ZBBX: variants seen among roughly 807,000 people sequenced by gnomAD.
The protein encoded by ZBBX is zinc finger B-box domain-containing protein 1.
Under a neutral mutation model 108.5 loss-of-function variants are expected in ZBBX, and 101 were observed. The observed-to-expected ratio is 0.93, with a 90% CI of 0.79 to 1.10. The LOEUF (loss-of-function observed/expected upper bound fraction) is 1.10. Ranked by LOEUF, ZBBX falls within the 50% of genes least tolerant of loss-of-function variation. The probability of loss-of-function intolerance (pLI) is 0.00; values close to 1 mark genes in which losing one functional copy is unlikely to be tolerated. For synonymous variants in ZBBX, 356 were observed against 323.4 expected, an observed-to-expected ratio of 1.10 and a Z score of -1.08; for missense variants, 1,009 against 941.4, an observed-to-expected ratio of 1.07 and a Z score of -0.94.
At chr3:167,232,571 G>C in the ZBBX span, among the ~76,000 whole-genome samples, 3 of 151,776 alleles carry the variant, frequency 2.0e-5, no homozygotes, top group Non-Finnish European at 4.4e-5. Context: ...TCTGGCCCTG[G>C]ATGTCAGACA....
intron 9 of ZBBX, among the ~76,000 whole-genome samples, chr3:167,343,368 C>T (rs1740887855): frequency 6.6e-6 from 1 of 151,772 alleles, no homozygotes; most frequent in African/African-American, 2.4e-5. Context: ...TCATTTGCTG[C>T]TGTAATATAC....
chr3:167,282,509 T>TA lies in ZBBX; in HGVS notation c.1997-15dup. ...GTGATTTCTGACCTAAAATTAAAAG[T>TA]AAAAAGTTTTTAAATCAACTTTTAA... On this transcript the variant is annotated splice_polypyrimidine_tract_variant and intron_variant, in intron 19 of 21. Transcript: ENST00000675490. The TA allele has an allele frequency of 6.3e-7, 1 of 1,586,834 alleles. No homozygotes were observed. Among genetic ancestry groups the TA allele is most frequent in the South Asian group, 1.2e-5 (1 of 86,880 alleles).
chr3:167,397,614 T>C (rs558437592), intron 1 of ZBBX, among the ~76,000 whole-genome samples: 1 of 151,952 alleles, frequency 6.6e-6, no homozygotes, highest in South Asian at 2.1e-4. Flanking sequence ...CCAGGAAAAC[T>C]ATTGTTAGCA....
chr3:167,303,542 A>C (rs1733083537), intron 17 of ZBBX, among the ~76,000 whole-genome samples: 1 of 152,072 alleles, frequency 6.6e-6, no homozygotes, highest in South Asian at 2.1e-4. Context: ...TCCTTTTTTA[A>C]GTATATCATT....
At chr3:167,268,890 C>A (rs974113022) in intron 20 of ZBBX, among the ~76,000 whole-genome samples, 3 of 152,112 alleles carry the variant, frequency 2.0e-5, no homozygotes, top group African/African-American at 7.2e-5. Flanking sequence ...CAGGTCCAGA[C>A]CCCCGTTTAA....
rs941382718 is a variant in ZBBX, at chr3:167,337,985, G to T, written c.529-4000C>A. On this transcript the variant is annotated intron_variant, in intron 9 of 21. Transcript: ENST00000675490. Reference sequence around the variant, plus strand: ...TATTAATAGGTAACAATAGGAGCAGGAGGAGACTGAAAATGTATAAAATTA... The same window carrying T: ...TATTAATAGGTAACAATAGGAGCAGTAGGAGACTGAAAATGTATAAAATTA... Among the ~76,000 whole-genome samples the T allele has an allele frequency of 4.6e-5, 7 of 152,158 alleles. No homozygotes were observed. In the South Asian group the frequency reaches 1.5e-3, roughly 32 times the overall value.
chr3:167,314,186 C>A, intron 15 of ZBBX, 70 bp from the exon 16 acceptor site: 1 of 1,351,982 alleles, frequency 7.4e-7, no homozygotes, highest in South Asian at 1.6e-5. Context: ...TTTTAAAAGT[C>A]CCAAGTCATT....
chr3:167,297,573 C>A (rs924700538), intron 18 of ZBBX, among the ~76,000 whole-genome samples: 2 of 151,842 alleles, frequency 1.3e-5, no homozygotes, highest in Admixed American at 6.6e-5. Flanking sequence ...TCCAAAGACA[C>A]TATCAACAGA....
chr3:167,349,850 AATTCTATTTATAGTTTAAGTATTAG>A (rs1742330311), intron 9 of ZBBX, among the ~76,000 whole-genome samples: 1 of 152,044 alleles, frequency 6.6e-6, no homozygotes, highest in South Asian at 2.1e-4. Context: ...GTCTATATCT[AATTCTATTTATAGTTTAAGTATTAG>A]AATCTTAAAG....
chr3:167,392,082 A>G (rs1560215579), intron 1 of ZBBX, among the ~76,000 whole-genome samples: 1 of 151,778 alleles, frequency 6.6e-6, no homozygotes, highest in Non-Finnish European at 1.5e-5. Flanking sequence ...CCAAGAAACC[A>G]CTGATCTGCT....
At chr3:167,182,119 C>T in the ZBBX span, among the ~76,000 whole-genome samples, 1 of 152,266 alleles carries the variant, frequency 6.6e-6, no homozygotes, top group East Asian at 1.9e-4. Flanking sequence ...GCCTGACTCG[C>T]TGATTTTTTT....
chr3:167,333,144 C>T (rs187373486), intron 10 of ZBBX, among the ~76,000 whole-genome samples: 108 of 151,930 alleles, frequency 7.1e-4, no homozygotes, highest in African/African-American at 2.4e-3. Flanking sequence ...GGGTTTGGAA[C>T]GCAACAGATT....
chr3:167,386,470 G>A (rs779630779), intron 1 of ZBBX, among the ~76,000 whole-genome samples: 19 of 151,932 alleles, frequency 1.3e-4, no homozygotes, highest in African/African-American at 2.4e-4. Context: ...GCAGTAGAGC[G>A]TTGATCTGTA....
chr3:167,261,666 C>G (rs1724551550), intron 20 of ZBBX, among the ~76,000 whole-genome samples: 1 of 151,428 alleles, frequency 6.6e-6, no homozygotes, highest in Non-Finnish European at 1.5e-5. Flanking sequence ...AAGGGCCTGT[C>G]TCACTCCCAC....
chr3:167,237,390 A>T (rs189474449), downstream of ZBBX, among the ~76,000 whole-genome samples: 1 of 152,100 alleles, frequency 6.6e-6, no homozygotes, highest in African/African-American at 2.4e-5. Context: ...ATAAACTACG[A>T]ATTTCAACAA....
rs772195571 is a variant in ZBBX at position 167,282,348 on chromosome 3, AT to A, written c.2143del (p.Ile715LeufsTer14). 16 of 1,613,990 alleles carry A rather than the reference AT, an allele frequency of 9.9e-6. No homozygotes were observed. The highest frequency in any genetic ancestry group is 1.4e-5 in the Non-Finnish European group (16 of 1,179,990). On this transcript the variant is annotated frameshift_variant, in exon 20 of 22. Coordinates refer to ENST00000675490, the MANE Select transcript of ZBBX (RefSeq NM_001199201.2). LOFTEE classifies it high-confidence loss of function. Reference sequence around the variant, plus strand: ...CTGGTCAGTAATATCAATATATTCAATTTCTGAAATTTCAGAAGCAGCTCTA... The same window carrying A: ...CTGGTCAGTAATATCAATATATTCAATTCTGAAATTTCAGAAGCAGCTCTA... ...SSRAASEISE[I>X]EYIDITDQNE... is the part of the protein sequence containing the mutation.
At chr3:167,316,716 T>A (rs1735522750) in intron 14 of ZBBX, among the ~76,000 whole-genome samples, 1 of 152,078 alleles carries the variant, frequency 6.6e-6, no homozygotes, top group Non-Finnish European at 1.5e-5. Context: ...TAATAAAATA[T>A]CAAACTACAT....
chr3:167,402,571 A>G (rs1440378918), intron 1 of ZBBX, among the ~76,000 whole-genome samples: 4 of 152,144 alleles, frequency 2.6e-5, no homozygotes, highest in Non-Finnish European at 5.9e-5. Flanking sequence ...ACCTACGTAG[A>G]GGCAGAAATA....
intron 8 of ZBBX, among the ~76,000 whole-genome samples, chr3:167,354,846 A>G (rs1743260205): frequency 1.3e-5 from 2 of 151,974 alleles, no homozygotes; most frequent in Admixed American, 1.3e-4. Context: ...TAGTAAAAGT[A>G]GCCAAACGAA....
Sources: allele counts gnomAD v4.1 joint callset (sites outside exome capture counted in the v4.1 genomes callset), GRCh38; gene constraint gnomAD v4.1.1; transcripts MANE v1.5; gene names NCBI Gene and HGNC (gene_info 2026-07-23, HGNC 2026-07-21).